Variants in FSTL5 observed in about 807,000 individuals in gnomAD.
The protein encoded by FSTL5 is follistatin like 5.
Under a neutral mutation model 89.1 loss-of-function variants are expected in FSTL5, and 62 were observed. The observed-to-expected ratio is 0.70, with a 90% confidence interval of 0.57 to 0.86. The LOEUF is 0.86. Among genes scored for constraint, FSTL5 ranks in the 40% least tolerant of loss-of-function variants. The pLI is 0.00. For missense variants in FSTL5, 1,057 were observed against 1,001.6 expected (o/e 1.06, Z -0.75); for synonymous variants, 383 against 346.2 (o/e 1.11, Z -1.18).
chr4:161,556,514 TTGGGATAC>T (rs1354635750), intron 8 of FSTL5, among the ~76,000 whole-genome samples: 1 of 151,498 alleles, frequency 6.6e-6, no homozygotes, highest in Non-Finnish European at 1.5e-5. Flanking sequence ...CTCTGTGATT[TTGGGATAC>T]TCACTCCAAC....
chr4:161,660,041 G>A (rs899675890), intron 6 of FSTL5, among the ~76,000 whole-genome samples: 1 of 152,096 alleles, frequency 6.6e-6, no homozygotes, highest in Non-Finnish European at 1.5e-5. Flanking sequence ...ATATGGTACC[G>A]AGTGTTTTGA....
At chr4:161,600,912 G>A (rs1734205837) in intron 7 of FSTL5, among the ~76,000 whole-genome samples, 1 of 152,090 alleles carries the variant, frequency 6.6e-6, no homozygotes, top group African/African-American at 2.4e-5. Flanking sequence ...TGCTAACTTT[G>A]CAGATCAACT....
chr4:161,758,100 C>CT (rs1181912638), intron 6 of FSTL5, among the ~76,000 whole-genome samples: 2 of 151,930 alleles, frequency 1.3e-5, no homozygotes, highest in Non-Finnish European at 2.9e-5. Context: ...TAAGCTACAA[C>CT]TTTTTTCATA....
intron 4 of FSTL5, among the ~76,000 whole-genome samples, chr4:161,842,929 A>C (rs574800559): frequency 1.3e-4 from 20 of 152,256 alleles, no homozygotes; most frequent in Admixed American, 4.6e-4. Flanking sequence ...AAAAATTAGA[A>C]TACCTATTTG....
At chr4:161,656,194 T>G in intron 7 of FSTL5, 134 bp downstream of exon 7, 3 of 452,474 alleles carry the variant, frequency 6.6e-6, no homozygotes, top group Non-Finnish European at 1.1e-5. Flanking sequence ...ATTCCGTAGA[T>G]TAGATATAGC....
chr4:161,415,596 A>C (rs1267145878), intron 15 of FSTL5, among the ~76,000 whole-genome samples: 1 of 151,794 alleles, frequency 6.6e-6, no homozygotes. Flanking sequence ...TTTGGCTTTA[A>C]AATAATTTCT....
intron 4 of FSTL5, among the ~76,000 whole-genome samples, chr4:161,880,587 C>G (rs930869900): frequency 6.6e-6 from 1 of 152,068 alleles, no homozygotes; most frequent in East Asian, 1.9e-4. Context: ...CACACAAAAC[C>G]ATGTACATGA....
At chr4:162,137,071 CAA>C in intron 1 of FSTL5, among the ~76,000 whole-genome samples, 1 of 152,054 alleles carries the variant, frequency 6.6e-6, no homozygotes, top group African/African-American at 2.4e-5. Context: ...CCATACTAAA[CAA>C]GAGAGAATAC....
chr4:162,070,145 G>C (rs1021594692), intron 2 of FSTL5, among the ~76,000 whole-genome samples: 2 of 151,550 alleles, frequency 1.3e-5, no homozygotes, highest in Admixed American at 6.6e-5. Context: ...TCGGGGATTC[G>C]TATGTTTTCT....
At chr4:162,087,807 T>A (rs887100162) in intron 2 of FSTL5, among the ~76,000 whole-genome samples, 1 of 152,162 alleles carries the variant, frequency 6.6e-6, no homozygotes, top group African/African-American at 2.4e-5. Context: ...ACATTACCTA[T>A]GAATCAATTG....
chr4:161,830,774 CA>C (rs1730819236), intron 4 of FSTL5, among the ~76,000 whole-genome samples: 1 of 151,704 alleles, frequency 6.6e-6, no homozygotes, highest in Admixed American at 6.6e-5. Flanking sequence ...AATTTTGCAG[CA>C]AAACAAAAAA....
chr4:161,455,233 A>G, intron 14 of FSTL5, 105 bp from the exon 15 acceptor site: 1 of 826,630 alleles, frequency 1.2e-6, no homozygotes, highest in Non-Finnish European at 1.7e-6. Flanking sequence ...AGTTGTTTGC[A>G]TAGACTTTAT....
At position 162,060,492 on chromosome 4, in the gene FSTL5, T is replaced by C. The variant is rs569859026; in HGVS notation, c.127-26834A>G. Among the ~76,000 whole-genome samples, 9 of 152,176 alleles carry C rather than the reference T, an allele frequency of 5.9e-5. No homozygotes were observed. The South Asian group carries it at 1.9e-3, about 32-fold the overall frequency. The stretch of plus-strand genomic sequence containing the variant: ...AGCTTCAAAATTAAAAATTAAAACA[T>C]TTTTAAAAAACTATTATTTACTTCA... On this transcript the variant is annotated intron_variant, in intron 2 of 15. Transcript: ENST00000306100.
At chr4:161,535,686 A>G (rs1341887485) in intron 10 of FSTL5, among the ~76,000 whole-genome samples, 1 of 152,156 alleles carries the variant, frequency 6.6e-6, no homozygotes, top group Non-Finnish European at 1.5e-5. Flanking sequence ...GAGATTTCTC[A>G]AAGAACTTAA....
intron 7 of FSTL5, among the ~76,000 whole-genome samples, chr4:161,600,471 C>T (rs1299908419): frequency 6.6e-6 from 1 of 151,454 alleles, no homozygotes; most frequent in Non-Finnish European, 1.5e-5. Context: ...CCTACATAAA[C>T]CGTTGGGTTT....
chr4:161,855,662 T>A (rs1461507579), intron 4 of FSTL5, among the ~76,000 whole-genome samples: 1 of 152,106 alleles, frequency 6.6e-6, no homozygotes, highest in African/African-American at 2.4e-5. Flanking sequence ...GTAGGCTTTT[T>A]TCCTCTTCAT....
intron 15 of FSTL5, among the ~76,000 whole-genome samples, chr4:161,424,546 G>T (rs1246847039): frequency 6.7e-6 from 1 of 149,356 alleles, no homozygotes; most frequent in African/African-American, 2.5e-5. Context: ...AAAAAAAATG[G>T]TTTTCTTTTG....
At chr4:162,051,817 A>C (rs186261773) in intron 2 of FSTL5, among the ~76,000 whole-genome samples, 1 of 150,602 alleles carries the variant, frequency 6.6e-6, no homozygotes, top group Non-Finnish European at 1.5e-5. Context: ...TGGAGCGCTG[A>C]AAAAAAACAG....
chr4:161,633,291 TTTATTATTATTATTA>T (rs60503667), intron 7 of FSTL5, among the ~76,000 whole-genome samples: 3 of 140,726 alleles, frequency 2.1e-5, no homozygotes, highest in Non-Finnish European at 3.1e-5. Flanking sequence ...ACTAATTCTT[TTTATTATTATTATTA>T]TTATTATTAT....
Sources: allele counts gnomAD v4.1 joint callset (sites outside exome capture counted in the v4.1 genomes callset), GRCh38; gene constraint gnomAD v4.1.1; transcripts MANE v1.5; gene names NCBI Gene and HGNC (gene_info 2026-07-23, HGNC 2026-07-21).